Variants in OVCH2 observed in about 807,000 individuals in gnomAD.
The protein encoded by OVCH2 is ovochymase 2, also known as ovochymase-2.
OVCH2 carries 88 observed loss-of-function variants against 73.7 expected under a neutral mutation model. The observed-to-expected ratio is 1.19, with a 90% CI of 1.01 to 1.43. The LOEUF is 1.43. Ranked by LOEUF, OVCH2 falls within the 40% of genes most tolerant of loss-of-function variation. The pLI, the probability that OVCH2 is intolerant of heterozygous loss-of-function variation, is 0.00. For missense variants in OVCH2, 706 were observed against 674.5 expected (o/e 1.05, Z -0.52); for synonymous variants, 265 against 234.5 (o/e 1.13, Z -1.19).
intron 2 of OVCH2, 69 bp downstream of exon 2, chr11:7,704,496 A>T: frequency 8.9e-7 from 1 of 1,127,386 alleles, no homozygotes; most frequent in Non-Finnish European, 1.3e-6. Context: ...ATATAAACTT[A>T]ACCTTAAAAA....
At chr11:7,678,702 G>A in the OVCH2 span, among the ~76,000 whole-genome samples, 10 of 152,178 alleles carry the variant, frequency 6.6e-5, no homozygotes, top group Admixed American at 3.3e-4. Flanking sequence ...ACTTAATGCC[G>A]CATGTTCTCA....
Position 7,695,580 on chromosome 11 carries a change from G to C in OVCH2, c.1272C>G (p.Asn424Lys), listed in dbSNP as rs1354299217. Residue 424 changes from asparagine (N) to lysine (K), a missense_variant, in exon 11 of 16, where the codon AAC (asparagine) becomes AAG (lysine). Physicochemically the swap from Asn to Lys is moderately conservative, Grantham distance 94. Coordinates refer to ENST00000533663, the MANE Select transcript of OVCH2 (RefSeq NM_198185.7). ...AGTAAATGGTTTTACCAGGAATGTA[G>C]TTTGGTTTAAGAGCTTTATAGGTAA... ...FNLTYKALKPNYIPDSGCSYL... is the reference protein window; with the variant it reads ...FNLTYKALKPKYIPDSGCSYL... 3.1e-6 allele frequency: 5 copies of C among 1,613,224 alleles called. No individual in the cohort carries two copies. In the East Asian group the frequency reaches 1.1e-4, roughly 36 times the overall value.
the OVCH2 span, among the ~76,000 whole-genome samples, chr11:7,684,323 G>T: frequency 6.6e-6 from 1 of 152,052 alleles, no homozygotes; most frequent in Non-Finnish European, 1.5e-5. Context: ...ATAGCCTCTT[G>T]TTGAGTCGGG....
intron 8 of OVCH2, among the ~76,000 whole-genome samples, chr11:7,697,405 T>G (rs1482493544): frequency 4.6e-5 from 7 of 152,292 alleles, no homozygotes; most frequent in African/African-American, 1.7e-4. Flanking sequence ...GCTTCTAGCC[T>G]TCGTCCTCAT....
At chr11:7,696,965 C>T (rs1407772263) in intron 8 of OVCH2, 166 bp from the exon 9 acceptor site, 1 of 620,796 alleles carries the variant, frequency 1.6e-6, no homozygotes, top group Admixed American at 2.9e-5. Flanking sequence ...TTTTTGGTTC[C>T]TTTTAGATCC....
chr11:7,689,368 A>C (rs1856176408), downstream of OVCH2: 1 of 234,170 alleles, frequency 4.3e-6, no homozygotes, highest in Admixed American at 5.0e-5. Context: ...GTCAGCCCCC[A>C]CAATTGTGTA....
chr11:7,683,965 T>C, the OVCH2 span, among the ~76,000 whole-genome samples: 3 of 151,468 alleles, frequency 2.0e-5, no homozygotes, highest in Non-Finnish European at 4.4e-5. Context: ...TCCTGCTTTA[T>C]TTTTCTCAGT....
chr11:7,687,338 T>TAAA (rs1440540963), downstream of OVCH2, among the ~76,000 whole-genome samples: 235 of 147,102 alleles, frequency 1.6e-3, no homozygotes, highest in African/African-American at 4.3e-3. Context: ...ATAATAATAA[T>TAAA]AATAAAGCCT....
intron 8 of OVCH2, among the ~76,000 whole-genome samples, chr11:7,697,174 CCA>C (rs1856353772): frequency 6.6e-6 from 1 of 152,132 alleles, no homozygotes; most frequent in African/African-American, 2.4e-5. Flanking sequence ...GCAGCTGAGA[CCA>C]CAGACTCACA....
rs1336888185 is a variant in OVCH2 at position 7,696,523 on chromosome 11, A to C, written c.1083T>G (p.Asp361Glu). 6.2e-7 allele frequency: 1 copy of C among 1,613,906 alleles called. No homozygotes were observed. Among genetic ancestry groups the C allele is most frequent in the East Asian group, 2.2e-5 (1 of 44,892 alleles). The change falls in exon 10 of 16, where the codon GAT becomes GAG. Residue 361 changes from aspartate to glutamate, a missense_variant. Coordinates refer to ENST00000533663, the MANE Select transcript of OVCH2 (RefSeq NM_198185.7). Reference protein sequence around the residue: ...MHVLLSFSHLDVESCHHSYLS... With the variant: ...MHVLLSFSHLEVESCHHSYLS... ...GGTAACTGTGGTGACAAGACTCAAC[A>C]TCTAGGTGGGAAAAACTGAGCAACA...
chr11:7,698,219 C>A (rs1389321807), intron 8 of OVCH2, among the ~76,000 whole-genome samples: 1 of 152,162 alleles, frequency 6.6e-6, no homozygotes, highest in Non-Finnish European at 1.5e-5. Flanking sequence ...TCTGAGCTCT[C>A]AGGGTACTAT....
At chr11:7,702,531 G>C (rs76191333) in intron 3 of OVCH2, among the ~76,000 whole-genome samples, 6,261 of 152,250 alleles carry the variant, frequency 0.041, 165 homozygotes, top group Middle Eastern at 0.12. Flanking sequence ...CTAGTGAAGA[G>C]TGGGTTCATA....
chr11:7,688,296 C>T (rs1211496095), downstream of OVCH2, among the ~76,000 whole-genome samples: 1 of 152,194 alleles, frequency 6.6e-6, no homozygotes, highest in Non-Finnish European at 1.5e-5. Context: ...AGCTGGATAT[C>T]CCACAGGTAA....
At chr11:7,705,845 C>T (rs1856520147) in intron 1 of OVCH2, among the ~76,000 whole-genome samples, 1 of 152,156 alleles carries the variant, frequency 6.6e-6, no homozygotes. Context: ...GAGAAATCTT[C>T]CAAGAACTGT....
chr11:7,692,898 C>A (rs1045538441), intron 12 of OVCH2, among the ~76,000 whole-genome samples: 1 of 152,186 alleles, frequency 6.6e-6, no homozygotes, highest in Non-Finnish European at 1.5e-5. Context: ...TTATCTCTAT[C>A]CTTGAGACCT....
At chr11:7,699,451 T>C (rs1856394495) in intron 7 of OVCH2, 2 of 152,322 alleles carry the variant, frequency 1.3e-5, no homozygotes, top group Non-Finnish European at 2.9e-5. Flanking sequence ...TCTTCCCCTA[T>C]GTAGCACTCT....
chr11:7,700,318 C>G lies in OVCH2; in HGVS notation c.879G>C (p.Trp293Cys), dbSNP rs753820647. The change falls in exon 7 of 16, where the codon TGG becomes TGC. Residue 293 changes from tryptophan (W) to cysteine (C), a missense_variant. Trp to Cys is a radical substitution (Grantham distance 215, BLOSUM62 -2). Transcript: ENST00000533663. Reference sequence around the variant, plus strand: ...TACCAGTTTGGATGTGTTCGTGGATCCAGGGAAGCACTTTACTAATGTCTG... The same window carrying G: ...TACCAGTTTGGATGTGTTCGTGGATGCAGGGAAGCACTTTACTAATGTCTG... ...IFTDISKVLP[W>C]IHEHIQTGNR... is the part of the protein sequence containing the mutation. 3 of 1,613,766 alleles carry G rather than the reference C, an allele frequency of 1.9e-6. No individual in the cohort carries two copies. In the Admixed American group the frequency reaches 5.0e-5, roughly 27 times the overall value.
At position 7,703,934 on chromosome 11, in the gene OVCH2, A is replaced by G. The variant is rs1354921928; in HGVS notation, c.199-145T>C. 5.7e-6 allele frequency: 4 copies of G among 701,624 alleles called. No homozygotes were observed. The East Asian group carries it at 1.1e-4, about 20-fold the overall frequency. 43.5% of individuals were successfully genotyped at this position (701,624 alleles called of 1,614,324 possible). On this transcript the variant is annotated intron_variant, in intron 2 of 15. Coordinates refer to ENST00000533663, the MANE Select transcript of OVCH2 (RefSeq NM_198185.7). ...TGGACTGTGAAAAGATAAAGCCCAG[A>G]CACTACCGCTCAGAAAGAAGAGTGG...
At chr11:7,686,796 T>C (rs756133719), downstream of OVCH2, among the ~76,000 whole-genome samples, 1 of 152,188 alleles carries the variant, frequency 6.6e-6, no homozygotes, top group East Asian at 1.9e-4. Context: ...TAAAATTGTC[T>C]ATAGTGTATC....
Sources: gnomAD v4.1 joint callset for allele counts (sites outside exome capture counted in the v4.1 genomes callset) on GRCh38, gnomAD v4.1.1 for gene constraint, MANE v1.5 for transcripts, NCBI Gene and HGNC (gene_info 2026-07-23, HGNC 2026-07-21) for gene names.